Variants in PPP3CA observed in about 807,000 individuals in gnomAD.
PPP3CA encodes CAM-PRP catalytic subunit.
PPP3CA carries 14 observed loss-of-function variants against 66.5 expected under a neutral mutation model. The ratio of observed to expected loss-of-function variants is 0.21; its 90% CI spans 0.14 to 0.33. PPP3CA has a LOEUF of 0.33. Ranked by LOEUF, PPP3CA falls within the 10% of genes least tolerant of loss-of-function variation. PPP3CA has a pLI of 1.00. For missense variants in PPP3CA, 317 were observed against 639.5 expected, an observed-to-expected ratio of 0.50 and a Z score of 5.44; for synonymous variants, 232 against 226.2, an observed-to-expected ratio of 1.03 and a Z score of -0.23.
chr4:101,333,526 A>G (rs113990044), intron 1 of PPP3CA, among the ~76,000 whole-genome samples: 1 of 151,974 alleles, frequency 6.6e-6, no homozygotes, highest in Non-Finnish European at 1.5e-5. Flanking sequence ...GTCCCTGTTG[A>G]TTGGAAAGCA....
intron 2 of PPP3CA, among the ~76,000 whole-genome samples, chr4:101,124,659 GAGACAGAAAGAAAGAAAGAAAGAAAGAA>G (rs1722139498): frequency 9.1e-6 from 1 of 109,622 alleles, no homozygotes; most frequent in Non-Finnish European, 1.9e-5. Flanking sequence ...GAGGGAGAGA[GAGACAGAAAGAAAGAAAGAAAGAAAGAA>G]AGAAAGAAAG....
chr4:101,196,534 G>C (rs555679400), intron 1 of PPP3CA, among the ~76,000 whole-genome samples: 1 of 152,258 alleles, frequency 6.6e-6, no homozygotes, highest in Non-Finnish European at 1.5e-5. Flanking sequence ...AGAGGAGTGG[G>C]AAAAGGTCTA....
intron 1 of PPP3CA, among the ~76,000 whole-genome samples, chr4:101,236,219 C>T (rs1020368722): frequency 3.3e-5 from 5 of 151,818 alleles, no homozygotes; most frequent in Non-Finnish European, 7.4e-5. Context: ...TTAAATAGTA[C>T]GATAATATTG....
At chr4:101,045,156 T>C (rs1727704475) in intron 10 of PPP3CA, among the ~76,000 whole-genome samples, 1 of 152,228 alleles carries the variant, frequency 6.6e-6, no homozygotes, top group South Asian at 2.1e-4. Flanking sequence ...TCAAATATTC[T>C]TGTGACTCCT....
At chr4:101,148,351 C>G (rs982162914) in intron 2 of PPP3CA, among the ~76,000 whole-genome samples, 1 of 152,020 alleles carries the variant, frequency 6.6e-6, no homozygotes, top group African/African-American at 2.4e-5. Context: ...TTCTCAATAT[C>G]ACTTTTTAAC....
rs372257350 is a variant in PPP3CA, at chr4:101,139,696, GTTTT to G, written c.260-30622_260-30619del. 2.0e-3 allele frequency among the ~76,000 whole-genome samples: 199 copies of G among 98,404 alleles called. 1 individual carries two copies. Among genetic ancestry groups the G allele is most frequent in the Non-Finnish European group, 1.9e-3 (99 of 51,236 alleles). The allele number at this position is 98,404 out of a possible 152,430, so 64.6% of individuals were successfully genotyped here. ...AGTGACTTTTGAGGGTTTTTTTTGT[GTTTT>G]TTTTTTTTTTTTTTTTTGTCGTTGT... On this transcript the variant is annotated intron_variant, in intron 2 of 13. Coordinates refer to ENST00000394854, the MANE Select transcript of PPP3CA (RefSeq NM_000944.5).
chr4:101,237,647 C>A (rs1726169970), intron 1 of PPP3CA, among the ~76,000 whole-genome samples: 1 of 151,964 alleles, frequency 6.6e-6, no homozygotes, highest in South Asian at 2.1e-4. Context: ...TAATTTTGAA[C>A]AATATATCTT....
In PPP3CA at chr4:101,253,185, T is replaced by C. The variant is rs182211935; in HGVS notation, c.59-57069A>G. Among the ~76,000 whole-genome samples, 554 of 152,308 alleles carry C rather than the reference T, an allele frequency of 3.6e-3. 3 individuals carry two copies. The highest frequency in any genetic ancestry group is 0.012 in the African/African-American group (503 of 41,568). On this transcript the variant is annotated intron_variant, in intron 1 of 13. Transcript: ENST00000394854. ...TGCTATGTTTATTTAATGAAGTTATTCATGTTTAAATACAATTATCTTAAA... is the reference window on the plus strand; with the variant it reads ...TGCTATGTTTATTTAATGAAGTTATCCATGTTTAAATACAATTATCTTAAA...
intron 2 of PPP3CA, among the ~76,000 whole-genome samples, chr4:101,185,749 C>T (rs1724389523): frequency 6.6e-6 from 1 of 152,172 alleles, no homozygotes; most frequent in Non-Finnish European, 1.5e-5. Context: ...TCATAAGACA[C>T]TGGGCTCTGG....
intron 1 of PPP3CA, among the ~76,000 whole-genome samples, chr4:101,309,443 G>C (rs28485087): frequency 0.013 from 1,913 of 152,210 alleles, 25 homozygotes; most frequent in Middle Eastern, 0.02. Flanking sequence ...TTGTGATGTA[G>C]GTTTCATATA....
intron 2 of PPP3CA, among the ~76,000 whole-genome samples, chr4:101,152,962 A>C (rs905797113): frequency 3.3e-5 from 5 of 152,190 alleles, no homozygotes; most frequent in Non-Finnish European, 7.4e-5. Flanking sequence ...TGAGACCCAA[A>C]GGGTGAGTAA....
chr4:101,096,641 A>C (rs1373442649), intron 5 of PPP3CA, among the ~76,000 whole-genome samples: 1 of 152,304 alleles, frequency 6.6e-6, no homozygotes, highest in East Asian at 1.9e-4. Flanking sequence ...ATGAAATTTG[A>C]TCAAGGCAAG....
chr4:101,252,270 T>C (rs1240552815), intron 1 of PPP3CA, among the ~76,000 whole-genome samples: 2 of 152,132 alleles, frequency 1.3e-5, no homozygotes, highest in Non-Finnish European at 2.9e-5. Context: ...CATTTTCCCA[T>C]GTTAGTCGTG....
At chr4:101,153,156 C>T (rs1240495881) in intron 2 of PPP3CA, among the ~76,000 whole-genome samples, 2 of 152,056 alleles carry the variant, frequency 1.3e-5, no homozygotes, top group African/African-American at 4.8e-5. Flanking sequence ...TGGATTCTAT[C>T]CAAAGGGCAA....
intron 1 of PPP3CA, among the ~76,000 whole-genome samples, chr4:101,285,599 ATGTGTGTGTG>A (rs56681112): frequency 0.011 from 1,418 of 124,554 alleles, 15 homozygotes; most frequent in African/African-American, 0.025. Context: ...CACTGTGTGT[ATGTGTGTGTG>A]TGTGTGTGTG....
chr4:101,032,375 C>T lies in PPP3CA; in HGVS notation c.1242-11G>A, dbSNP rs1201785040. 1.9e-6 allele frequency: 3 copies of T among 1,601,528 alleles called. No individual in the cohort carries two copies. The highest frequency in any genetic ancestry group is 1.3e-5 in the African/African-American group (1 of 74,648). On this transcript the variant is annotated splice_polypyrimidine_tract_variant and intron_variant, in intron 11 of 13. Transcript: ENST00000394854. Reference sequence around the variant, plus strand: ...CTCTCACTCTCTTCTCTGGAAGGCACAATGAGGGGCGACATTAACTTTTAA... The same window carrying T: ...CTCTCACTCTCTTCTCTGGAAGGCATAATGAGGGGCGACATTAACTTTTAA...
At chr4:101,117,737 G>T (rs376135082) in intron 2 of PPP3CA, among the ~76,000 whole-genome samples, 1 of 151,664 alleles carries the variant, frequency 6.6e-6, no homozygotes, top group African/African-American at 2.4e-5. Context: ...AATTAAATTT[G>T]TTCATCACCC....
chr4:101,126,010 A>G (rs1722234367), intron 2 of PPP3CA, among the ~76,000 whole-genome samples: 1 of 152,204 alleles, frequency 6.6e-6, no homozygotes, highest in South Asian at 2.1e-4. Flanking sequence ...GGGGGTAGGA[A>G]GAGAGATGTG....
chr4:101,064,347 A>G (rs923768650), intron 8 of PPP3CA, among the ~76,000 whole-genome samples: 8 of 151,922 alleles, frequency 5.3e-5, no homozygotes, highest in African/African-American at 1.9e-4. Context: ...CATATTTAAT[A>G]TTTAATGTCA....
Sources: allele counts gnomAD v4.1 joint callset (sites outside exome capture counted in the v4.1 genomes callset), GRCh38; gene constraint gnomAD v4.1.1; transcripts MANE v1.5; gene names NCBI Gene and HGNC (gene_info 2026-07-23, HGNC 2026-07-21).